The following ITIH5 variants were observed in gnomAD, a reference collection of about 807,000 sequenced individuals.
The protein encoded by ITIH5 is inter-alpha-trypsin inhibitor heavy chain H5.
A neutral mutation model predicts 77.5 loss-of-function variants in ITIH5; 65 were observed. The observed-to-expected ratio is 0.84, with a 90% confidence interval of 0.69 to 1.03. The LOEUF (loss-of-function observed/expected upper bound fraction) is 1.03. Ranked by LOEUF, ITIH5 falls within the 50% of genes least tolerant of loss-of-function variation. The pLI is 0.00. For synonymous variants in ITIH5, 525 were observed against 494.3 expected (o/e 1.06, Z -0.82); for missense variants, 1,208 against 1,213.1 (o/e 1.00, Z 0.06).
chr10:7,618,654 A>C (rs1833416577), intron 5 of ITIH5: 2 of 152,208 alleles, frequency 1.3e-5, no homozygotes, highest in South Asian at 4.1e-4. Context: ...AACTGCTGCA[A>C]AGCCTCTGAT....
chr10:7,585,516 C>A (rs1372855033), intron 8 of ITIH5, among the ~76,000 whole-genome samples: 1 of 152,304 alleles, frequency 6.6e-6, no homozygotes, highest in African/African-American at 2.4e-5. Flanking sequence ...TCCACCTGCC[C>A]CTGCCCAAGG....
intron 2 of ITIH5, among the ~76,000 whole-genome samples, chr10:7,642,970 G>A (rs1245798649): frequency 6.6e-6 from 1 of 152,242 alleles, no homozygotes; most frequent in African/African-American, 2.4e-5. Context: ...CCTACTATGG[G>A]AGGTGGTGGG....
Position 7,562,984 on chromosome 10 carries a change from T to C in ITIH5, c.*99A>G, listed in dbSNP as rs1221476484. 1 of 1,069,282 alleles carries C rather than the reference T, an allele frequency of 9.4e-7. No individual in the cohort carries two copies. The highest frequency in any genetic ancestry group is 2.4e-5 in the East Asian group (1 of 42,274). The allele number at this position is 1,069,282 out of a possible 1,614,324, so 66.2% of individuals were successfully genotyped here. On this transcript the variant is annotated 3_prime_UTR_variant, in exon 14 of 14. Coordinates refer to ENST00000397146, the MANE Select transcript of ITIH5 (RefSeq NM_030569.7). ...GGGTGGGTCATGGAGTCCAGCTAAT[T>C]GCCAGGAGCTGAGGCGTGTACAAGC...
rs149503594 is a variant in ITIH5, at chr10:7,566,052, G to A, written c.2505C>T (p.Ser835=). The change falls in exon 13 of 14, where the codon TCC becomes TCT. Residue 835 remains serine (S), a synonymous_variant. Transcript: ENST00000397146. ...GFYIANSEGL[S]SNCHGLLGQF... ...TACCCAGCAGTCCGTGGCAGTTGCT[G>A]GAAAGGCCCTCGCTGTTGGCAATGT... 1 of 1,613,992 alleles carries A rather than the reference G, an allele frequency of 6.2e-7. No homozygotes were observed. Among genetic ancestry groups the A allele is most frequent in the African/African-American group, 1.3e-5 (1 of 75,024 alleles).
At chr10:7,572,608 G>A (rs892190398) in intron 11 of ITIH5, among the ~76,000 whole-genome samples, 17 of 151,934 alleles carry the variant, frequency 1.1e-4, no homozygotes, top group South Asian at 2.1e-4. Flanking sequence ...CAGCCTCATC[G>A]GGTTTCCTGC....
chr10:7,597,518 T>G (rs111700026), intron 7 of ITIH5, among the ~76,000 whole-genome samples: 4 of 151,732 alleles, frequency 2.6e-5, no homozygotes, highest in African/African-American at 7.3e-5. Context: ...CTGTACCCCA[T>G]AGACACCCAT....
intron 7 of ITIH5, 79 bp from the exon 8 acceptor site, chr10:7,586,148 C>T (rs1348943511): frequency 8.4e-7 from 1 of 1,188,422 alleles, no homozygotes; most frequent in Non-Finnish European, 1.1e-6. Flanking sequence ...ACCGCCCCCG[C>T]CCCCCAGGAA....
At chr10:7,611,453 A>C (rs1833242313) in intron 7 of ITIH5, among the ~76,000 whole-genome samples, 1 of 152,218 alleles carries the variant, frequency 6.6e-6, no homozygotes, top group Non-Finnish European at 1.5e-5. Flanking sequence ...GTTATTTGGC[A>C]AGAAGATTCT....
intron 10 of ITIH5, among the ~76,000 whole-genome samples, chr10:7,575,734 A>C (rs1832397759): frequency 6.6e-6 from 1 of 152,140 alleles, no homozygotes; most frequent in Admixed American, 6.5e-5. Context: ...AAATAAAATC[A>C]AGCACACAAT....
rs1047628065 is a variant in ITIH5 at position 7,613,213 on chromosome 10, T to C, written c.939+2769A>G. On this transcript the variant is annotated intron_variant, in intron 7 of 13. Coordinates refer to ENST00000397146, the MANE Select transcript of ITIH5 (RefSeq NM_030569.7). ...GTGAGCCGAGATCATGCCATTGCACTCCAGCCCAGGTGACAGAGTGAGACT... is the reference window on the plus strand; with the variant it reads ...GTGAGCCGAGATCATGCCATTGCACCCCAGCCCAGGTGACAGAGTGAGACT... 8.3e-4 allele frequency among the ~76,000 whole-genome samples: 123 copies of C among 147,346 alleles called. 1 individual carries two copies. Among genetic ancestry groups the C allele is most frequent in the African/African-American group, 3.0e-3 (112 of 37,884 alleles).
At chr10:7,645,757 C>T (rs1034832711) in intron 2 of ITIH5, among the ~76,000 whole-genome samples, 2 of 152,046 alleles carry the variant, frequency 1.3e-5, no homozygotes, top group African/African-American at 2.4e-5. Context: ...TCCTCCAAAG[C>T]GATTAGGATT....
rs773999234 is a variant in ITIH5, at chr10:7,569,798, A to G, written c.2033-14T>C. 4.0e-6 allele frequency: 6 copies of G among 1,517,338 alleles called. No individual in the cohort carries two copies. The highest frequency in any genetic ancestry group is 5.4e-6 in the Non-Finnish European group (6 of 1,108,850). 94.0% of individuals were successfully genotyped at this position (1,517,338 alleles called of 1,614,324 possible). On this transcript the variant is annotated splice_polypyrimidine_tract_variant and intron_variant, in intron 11 of 13. Transcript: ENST00000397146. ...GATCACCATCCACTGCCAGAGCAGA[A>G]GAAAACGGAGAGAAAAAGAAAGACA...
At chr10:7,618,945 T>A (rs1468496555) in intron 5 of ITIH5, 1 of 152,178 alleles carries the variant, frequency 6.6e-6, no homozygotes, top group African/African-American at 2.4e-5. Flanking sequence ...TTTGCACTTA[T>A]CAAGGACAGG....
chr10:7,646,054 T>C (rs1834004885), intron 2 of ITIH5, among the ~76,000 whole-genome samples: 1 of 152,242 alleles, frequency 6.6e-6, no homozygotes, highest in East Asian at 1.9e-4. Flanking sequence ...TTATCCATGA[T>C]TAAATATATT....
At position 7,654,774 on chromosome 10, in the gene ITIH5, T is replaced by G. The variant is rs181733808; in HGVS notation, c.135+857A>C. On this transcript the variant is annotated intron_variant, in intron 2 of 13. Transcript: ENST00000397146. ...ATGGTAACAAACTAGCTTATTAGCT[T>G]GTAAGTAGCTTTAATCTCAGCCCCT... is the stretch of plus-strand genomic sequence containing the variant. Among the ~76,000 whole-genome samples the G allele has an allele frequency of 5.3e-5, 8 of 152,332 alleles. No individual in the cohort carries two copies. The East Asian group carries it at 1.5e-3, about 29-fold the overall frequency.
chr10:7,583,721 C>G (rs11255204), intron 8 of ITIH5, among the ~76,000 whole-genome samples: 46,713 of 152,008 alleles, frequency 0.31, 7,823 homozygotes, highest in East Asian at 0.5. Context: ...TCTCTTGTCT[C>G]TATTCAGCAA....
rs2130928640 is a variant in ITIH5 at position 7,560,344 on chromosome 10, TC to T, written c.*2738del. The T allele has an allele frequency of 6.5e-6, 1 of 152,906 alleles. No homozygotes were observed. Among genetic ancestry groups the T allele is most frequent in the African/African-American group, 2.4e-5 (1 of 41,576 alleles). 9.5% of individuals were successfully genotyped at this position (152,906 alleles called of 1,614,324 possible). A position where few individuals can be genotyped will look rare whatever the true frequency, so the allele number is the denominator to read the frequency against. Reference sequence around the variant, plus strand: ...CAAAAGTTAAAGTTAAAGGAATGAATCCTGTTCCTAATCCACCTATCAGGAC... The same window carrying T: ...CAAAAGTTAAAGTTAAAGGAATGAATCTGTTCCTAATCCACCTATCAGGAC... On this transcript the variant is annotated 3_prime_UTR_variant, in exon 14 of 14. Transcript: ENST00000397146.
chr10:7,639,540 A>G lies in ITIH5; in HGVS notation c.401+1214T>C, dbSNP rs993418311. ...AACAGCAAAGTTTCTGGCAGTCTAT[A>G]ATTTTAGAGAACTAAATTTCTCAAA... On this transcript the variant is annotated intron_variant, in intron 4 of 13. Transcript: ENST00000397146. Among the ~76,000 whole-genome samples, 33 of 152,320 alleles carry G rather than the reference A, an allele frequency of 2.2e-4. 1 individual carries two copies. Among genetic ancestry groups the G allele is most frequent in the African/African-American group, 7.2e-4 (30 of 41,564 alleles).
chr10:7,622,084 C>T (rs1289377813), intron 5 of ITIH5: 1 of 152,226 alleles, frequency 6.6e-6, no homozygotes, highest in African/African-American at 2.4e-5. Flanking sequence ...CATTGGTGAT[C>T]CCATGCAAGA....
Sources: gnomAD v4.1 joint callset for allele counts (sites outside exome capture counted in the v4.1 genomes callset) on GRCh38, gnomAD v4.1.1 for gene constraint, MANE v1.5 for transcripts, NCBI Gene and HGNC (gene_info 2026-07-23, HGNC 2026-07-21) for gene names.